Variants in MYBBP1A observed in about 807,000 individuals in gnomAD.
The protein encoded by MYBBP1A is MYB binding protein 1a.
A neutral mutation model predicts 136.3 loss-of-function variants in MYBBP1A; 147 were observed. That is an observed-to-expected ratio of 1.08 (90% confidence interval 0.94 to 1.24). The LOEUF (loss-of-function observed/expected upper bound fraction) is 1.24. MYBBP1A is among the 50% of genes most tolerant of loss of function. The pLI is 0.00. For synonymous variants in MYBBP1A, 947 were observed against 735.8 expected (o/e 1.29, Z -4.65); for missense variants, 2,060 against 1,727.4 (o/e 1.19, Z -3.41).
In MYBBP1A at chr17:4,539,042, G is replaced by C. The variant is rs1906072122; in HGVS notation, c.*373C>G. On this transcript the variant is annotated 3_prime_UTR_variant, in exon 26 of 26. Transcript: ENST00000254718. Reference sequence around the variant, plus strand: ...AATAAACCTATTTAAATCACCCCCTGGTGGCTCCCTCACAGCAAAAAAGCC... The same window carrying C: ...AATAAACCTATTTAAATCACCCCCTCGTGGCTCCCTCACAGCAAAAAAGCC... 1 of 961,700 alleles carries C rather than the reference G, an allele frequency of 1.0e-6. No individual in the cohort carries two copies. Among genetic ancestry groups the C allele is most frequent in the East Asian group, 2.4e-5 (1 of 41,944 alleles). The allele number at this position is 961,700 out of a possible 1,614,324, so 59.6% of individuals were successfully genotyped here.
In MYBBP1A at chr17:4,539,884, C is replaced by T. The variant is rs1906200676; in HGVS notation, c.3518G>A (p.Gly1173Glu). The change falls in exon 26 of 26, where the codon GGA (glycine) becomes GAA (glutamate). Residue 1173 changes from glycine to glutamate, a missense_variant. Physicochemically the swap from Gly to Glu is moderately conservative, Grantham distance 98. Transcript: ENST00000254718. ...GCGCTTCTTCGTCTCTGGCAAGAATCCCTTTTTCTTCCGCTTCTTACTGAT... is the reference window on the plus strand; with the variant it reads ...GCGCTTCTTCGTCTCTGGCAAGAATTCCTTTTTCTTCCGCTTCTTACTGAT... ...SPISKKRKKK[G>E]FLPETKKRKK... The T allele has an allele frequency of 1.9e-6, 3 of 1,603,126 alleles. No individual in the cohort carries two copies. The South Asian group carries it at 3.3e-5, about 18-fold the overall frequency.
chr17:4,545,171 T>C lies in MYBBP1A; in HGVS notation c.2165A>G (p.Lys722Arg). ...DERRLKGAED[K>R]SEEGEDNRSS... The stretch of plus-strand genomic sequence containing the variant: ...TCTGTTGTCCTCACCTTCCTCGCTC[T>C]TGTCCTGTGTGGTAGAGGCAGGCGC... Residue 722 changes from lysine to arginine, a missense_variant, in exon 17 of 26, where the codon AAG becomes AGG. Physicochemically the swap from Lys to Arg is conservative, Grantham distance 26 (BLOSUM62 2). Transcript: ENST00000254718. The C allele has an allele frequency of 6.2e-7, 1 of 1,613,450 alleles. No homozygotes were observed. Among genetic ancestry groups the C allele is most frequent in the South Asian group, 1.1e-5 (1 of 91,062 alleles).
intron 13 of MYBBP1A, among the ~76,000 whole-genome samples, chr17:4,546,309 G>A (rs1333357071): frequency 6.6e-6 from 1 of 152,172 alleles, no homozygotes; most frequent in Non-Finnish European, 1.5e-5. Flanking sequence ...AGTAGAGACG[G>A]GGTTTCACCA....
chr17:4,550,434 G>A (rs941804979), intron 8 of MYBBP1A, 81 bp from the exon 9 acceptor site: 26 of 1,501,624 alleles, frequency 1.7e-5, no homozygotes, highest in East Asian at 2.3e-5. Context: ...GGGGGCAGGC[G>A]GGCAACAGCC....
chr17:4,543,923 T>C (rs1306987637), intron 19 of MYBBP1A, among the ~76,000 whole-genome samples: 2 of 152,128 alleles, frequency 1.3e-5, no homozygotes, highest in African/African-American at 2.4e-5. Flanking sequence ...AATGCCTCTG[T>C]GGCCTCCAGC....
intron 13 of MYBBP1A, 23 bp from the exon 14 acceptor site, chr17:4,545,965 A>G (rs1190819954): frequency 6.2e-7 from 1 of 1,605,040 alleles, no homozygotes; most frequent in Non-Finnish European, 8.5e-7. Context: ...TAGGACACAC[A>G]CTGGGGCCAG....
At position 4,548,373 on chromosome 17, in the gene MYBBP1A, G is replaced by T; in HGVS notation, c.1557-63C>A. ...TGAGTCAATGTAGCCGCCTCCCTCC[G>T]CCCTCCCCAGGGCTCGGTCTCCCGC... On this transcript the variant is annotated intron_variant, in intron 11 of 25. Coordinates refer to ENST00000254718, the MANE Select transcript of MYBBP1A (RefSeq NM_014520.4). This position sits in a 1 kb window ranked among gnomAD's most constrained non-coding sequence, Gnocchi z 4.2. 4.4e-6 allele frequency: 7 copies of T among 1,595,758 alleles called. No individual in the cohort carries two copies. The South Asian group carries it at 7.7e-5, about 18-fold the overall frequency.
At position 4,539,853 on chromosome 17, in the gene MYBBP1A, TTTCTTGCGC is replaced by T. The variant is rs1267466002; in HGVS notation, c.3540_3548del (p.Lys1183_Lys1185del). On this transcript the variant is annotated inframe_deletion, in exon 26 of 26. Coordinates refer to ENST00000254718, the MANE Select transcript of MYBBP1A (RefSeq NM_014520.4). ...CTGGCGTGCCATCCTCTGACTTGCGTTTCTTGCGCTTCTTCGTCTCTGGCAAGAATCCCT... is the reference window on the plus strand; with the variant it reads ...CTGGCGTGCCATCCTCTGACTTGCGTTTCTTCGTCTCTGGCAAGAATCCCT... 15 of 1,607,814 alleles carry T rather than the reference TTTCTTGCGC, an allele frequency of 9.3e-6. No individual in the cohort carries two copies. Among genetic ancestry groups the T allele is most frequent in the African/African-American group, 5.3e-5 (4 of 74,910 alleles).
At chr17:4,550,732 AC>A (rs1907437481) in intron 8 of MYBBP1A, among the ~76,000 whole-genome samples, 1 of 152,222 alleles carries the variant, frequency 6.6e-6, no homozygotes, top group South Asian at 2.1e-4. Flanking sequence ...AGGAGGCGAG[AC>A]TGACCTGGGT....
In MYBBP1A at chr17:4,550,251, C is replaced by T. The variant is rs1379177077; in HGVS notation, c.1126G>A (p.Ala376Thr). 6.2e-7 allele frequency: 1 copy of T among 1,613,482 alleles called. No individual in the cohort carries two copies. The highest frequency in any genetic ancestry group is 8.5e-7 in the Non-Finnish European group (1 of 1,180,048). The change falls in exon 9 of 26, where the codon GCC (alanine) becomes ACC (threonine). Residue 376 changes from alanine to threonine, a missense_variant. Coordinates refer to ENST00000254718, the MANE Select transcript of MYBBP1A (RefSeq NM_014520.4). Reference protein sequence around the residue: ...DPERQLAVLVAFSSVTNQGLP... With the variant: ...DPERQLAVLVTFSSVTNQGLP... ...CCTTGGTTGGTGACAGATGAGAAGG[C>T]CACTAGCACGGCCAGCTGCCGCTCA...
chr17:4,545,587 C>T (rs201809541), intron 15 of MYBBP1A, 23 bp downstream of exon 15: 275 of 1,556,032 alleles, frequency 1.8e-4, no homozygotes, highest in Non-Finnish European at 2.1e-4. Context: ...GCCCACATTC[C>T]ACTCCCAAAG....
chr17:4,539,910 G>A lies in MYBBP1A; in HGVS notation c.3492C>T (p.Pro1164=), dbSNP rs76804207. The change falls in exon 26 of 26, where the codon CCC becomes CCT. Residue 1164 remains proline (P), a synonymous_variant. Coordinates refer to ENST00000254718, the MANE Select transcript of MYBBP1A (RefSeq NM_014520.4). ...AKEIPSATQS[P]ISKKRKKKGF... is the part of the protein sequence containing the mutation. ...CCTTTTTCTTCCGCTTCTTACTGATGGGGCTCTGGGTGGCACTGGGGATCT... is the reference window on the plus strand; with the variant it reads ...CCTTTTTCTTCCGCTTCTTACTGATAGGGCTCTGGGTGGCACTGGGGATCT... 8.3e-4 allele frequency: 1,336 copies of A among 1,600,358 alleles called. 8 individuals are homozygous for A. In the African/African-American group the frequency reaches 0.015, roughly 19 times the overall value.
rs192847046 is a variant in MYBBP1A at position 4,549,356 on chromosome 17, T to G, written c.1406A>C (p.Glu469Ala). 176 of 1,612,592 alleles carry G rather than the reference T, an allele frequency of 1.1e-4. 1 individual carries two copies. In the East Asian group the frequency reaches 2.8e-3, roughly 26 times the overall value. ...IVDSLHLEME[E>A]ALTEQVARFC... is the part of the protein sequence containing the mutation. The stretch of plus-strand genomic sequence containing the variant: ...CCTGGCCACCTGCTCAGTCAAGGCC[T>G]CCTCCATCTCCAGGTGCAGGCTGTC... Residue 469 changes from glutamate to alanine, a missense_variant, in exon 10 of 26, where the codon GAG (glutamate) becomes GCG (alanine). By Grantham distance (107) the Glu-to-Ala change is moderately radical. Transcript: ENST00000254718.
At position 4,545,336 on chromosome 17, in the gene MYBBP1A, G is replaced by A. The variant is rs552635057; in HGVS notation, c.2083C>T (p.Pro695Ser). The A allele has an allele frequency of 1.2e-6, 2 of 1,613,086 alleles. No individual in the cohort carries two copies. The highest frequency in any genetic ancestry group is 2.2e-5 in the South Asian group (2 of 91,036). ...ALQLILDVLN[P>S]ETSEDENDRV... ...TCATTCTCATCCTCACTGGTCTCGGGGTTCAGCACCTGGGGAGGGGTGCCA... is the reference window on the plus strand; with the variant it reads ...TCATTCTCATCCTCACTGGTCTCGGAGTTCAGCACCTGGGGAGGGGTGCCA... Residue 695 changes from proline to serine, a missense_variant, in exon 16 of 26, where the codon CCC (proline) becomes TCC (serine). Pro to Ser is a moderately conservative substitution (Grantham distance 74). Coordinates refer to ENST00000254718, the MANE Select transcript of MYBBP1A (RefSeq NM_014520.4).
At chr17:4,546,722 G>A (rs953448525) in intron 13 of MYBBP1A, among the ~76,000 whole-genome samples, 1 of 152,244 alleles carries the variant, frequency 6.6e-6, no homozygotes, top group Non-Finnish European at 1.5e-5. Context: ...GTGTGCGCAT[G>A]TGCGTGTGCA....
At position 4,544,740 on chromosome 17, in the gene MYBBP1A, C is replaced by G. The variant is rs778297518; in HGVS notation, c.2481+11G>C. 1.3e-6 allele frequency: 2 copies of G among 1,533,878 alleles called. No homozygotes were observed. The highest frequency in any genetic ancestry group is 3.0e-5 in the African/African-American group (2 of 66,120). On this transcript the variant is annotated intron_variant, in intron 18 of 25. Transcript: ENST00000254718. ...GAGGCGGGGGTGGGTGCGGCCCGCC[C>G]CCAGGCTCACCCGGATCTGGAAGTC...
At chr17:4,541,409 C>T (rs1242033148) in intron 24 of MYBBP1A, 54 bp downstream of exon 24, 30 of 1,511,262 alleles carry the variant, frequency 2.0e-5, no homozygotes, top group Non-Finnish European at 2.6e-5. Context: ...CCGGGAGGCC[C>T]CAAGGCCCCC....
In MYBBP1A at chr17:4,541,555, C is replaced by A. The variant is rs73972683; in HGVS notation, c.3205G>T (p.Val1069Leu). The A allele has an allele frequency of 6.2e-7, 1 of 1,612,458 alleles. No homozygotes were observed. Among genetic ancestry groups the A allele is most frequent in the East Asian group, 2.2e-5 (1 of 44,888 alleles). Residue 1069 changes from valine to leucine, a missense_variant, in exon 24 of 26, where the codon GTG becomes TTG. Coordinates refer to ENST00000254718, the MANE Select transcript of MYBBP1A (RefSeq NM_014520.4). Reference sequence around the variant, plus strand: ...GCCTTGGTCTGCGCCTCCCCCAGCACGCGCAAGTTCTAGGGAAGGGTGGCC... The same window carrying A: ...GCCTTGGTCTGCGCCTCCCCCAGCAAGCGCAAGTTCTAGGGAAGGGTGGCC... ...VLAKVTENLRVLGEAQTKAQH... is the reference protein window; with the variant it reads ...VLAKVTENLRLLGEAQTKAQH...
At chr17:4,547,695 T>G (rs1384756379) in intron 13 of MYBBP1A, 1 of 417,698 alleles carries the variant, frequency 2.4e-6, no homozygotes, top group Non-Finnish European at 4.2e-6. Flanking sequence ...AGTTTCTCCA[T>G]GTCAAACATG....
Sources: allele counts gnomAD v4.1 joint callset (sites outside exome capture counted in the v4.1 genomes callset), GRCh38; gene constraint gnomAD v4.1.1; non-coding constraint Gnocchi (gnomAD v3.1); transcripts MANE v1.5; gene names NCBI Gene and HGNC (gene_info 2026-07-23, HGNC 2026-07-21).